Variants in ASB17 observed in about 807,000 individuals in gnomAD.
ASB17 encodes ankyrin repeat and SOCS box protein 17.
ASB17 carries 26 observed loss-of-function variants against 25.7 expected under a neutral mutation model. The observed-to-expected ratio is 1.01, with a 90% CI of 0.74 to 1.40. ASB17 has a LOEUF of 1.40. ASB17 is among the 40% of genes most tolerant of loss of function. ASB17 has a pLI of 0.00. For synonymous variants in ASB17, 128 were observed against 121.4 expected (o/e 1.05, Z -0.36); for missense variants, 326 against 338.5 (o/e 0.96, Z 0.29).
intron 1 of ASB17, among the ~76,000 whole-genome samples, chr1:75,926,269 G>A (rs145816691): frequency 5.3e-5 from 8 of 152,322 alleles, no homozygotes; most frequent in Non-Finnish European, 1.0e-4. Flanking sequence ...GGTGATGAGT[G>A]CTTGGAAAAA....
At position 75,922,226 on chromosome 1, in the gene ASB17, T is replaced by C; in HGVS notation, c.535A>G (p.Ile179Val). The C allele has an allele frequency of 3.1e-6, 5 of 1,613,812 alleles. No individual in the cohort carries two copies. In the South Asian group the frequency reaches 3.3e-5, roughly 11 times the overall value. Residue 179 changes from isoleucine to valine, a missense_variant, in exon 2 of 3, where the codon ATC becomes GTC. Ile to Val is a conservative substitution (Grantham distance 29, BLOSUM62 3). Coordinates refer to ENST00000284142, the MANE Select transcript of ASB17 (RefSeq NM_080868.3). ...YGILEREKNPINIVLTIVLYP... is the reference protein window; with the variant it reads ...YGILEREKNPVNIVLTIVLYP... ...AGTACTATTGTTAAGACAATGTTGATAGGGTTTTTTTCTCTTTCTAAGATT... is the reference window on the plus strand; with the variant it reads ...AGTACTATTGTTAAGACAATGTTGACAGGGTTTTTTTCTCTTTCTAAGATT...
intron 2 of ASB17, 48 bp from the exon 3 acceptor site, chr1:75,919,206 A>G: frequency 1.6e-6 from 2 of 1,215,846 alleles, no homozygotes; most frequent in Non-Finnish European, 2.3e-6. Context: ...TGTAATTTGG[A>G]TTAGTCCAAA....
chr1:75,921,983 T>C (rs1653037849), intron 2 of ASB17, 97 bp downstream of exon 2: 5 of 1,070,966 alleles, frequency 4.7e-6, no homozygotes, highest in Non-Finnish European at 6.6e-6. Flanking sequence ...ACTGGACATA[T>C]TCTATAAATT....
At chr1:75,919,832 T>C (rs1652981517) in intron 2 of ASB17, among the ~76,000 whole-genome samples, 1 of 152,214 alleles carries the variant, frequency 6.6e-6, no homozygotes, top group South Asian at 2.1e-4. Context: ...TTGTGAATAG[T>C]GCTGCAATAA....
chr1:75,922,955 C>G (rs1431592225), intron 1 of ASB17, among the ~76,000 whole-genome samples: 2 of 152,126 alleles, frequency 1.3e-5, no homozygotes, highest in East Asian at 3.8e-4. Flanking sequence ...CATAGCAATT[C>G]TAGTTGAGAA....
At chr1:75,924,581 A>G (rs979418800) in intron 1 of ASB17, among the ~76,000 whole-genome samples, 1 of 152,160 alleles carries the variant, frequency 6.6e-6, no homozygotes, top group East Asian at 1.9e-4. Context: ...ATGTTTGTAT[A>G]TACATATGAA....
At chr1:75,919,307 G>T in intron 2 of ASB17, 149 bp from the exon 3 acceptor site, 1 of 604,904 alleles carries the variant, frequency 1.7e-6, no homozygotes, top group Non-Finnish European at 2.7e-6. Context: ...TTTTACTTGA[G>T]GCAAGTATTT....
intron 1 of ASB17, among the ~76,000 whole-genome samples, chr1:75,930,861 A>C (rs1653305264): frequency 6.6e-6 from 1 of 152,178 alleles, no homozygotes; most frequent in Admixed American, 6.5e-5. Flanking sequence ...TCAGCTTTAG[A>C]AGATTTGCTG....
At chr1:75,929,175 A>G (rs1196859281) in intron 1 of ASB17, among the ~76,000 whole-genome samples, 1 of 152,138 alleles carries the variant, frequency 6.6e-6, no homozygotes, top group Non-Finnish European at 1.5e-5. Context: ...TGGGAGAAAT[A>G]CAGAGGGACC....
Position 75,922,135 on chromosome 1 carries a change from GT to G in ASB17, c.625del (p.Thr209HisfsTer18), listed in dbSNP as rs756221723. The G allele has an allele frequency of 1.2e-6, 2 of 1,613,810 alleles. No homozygotes were observed. Among genetic ancestry groups the G allele is most frequent in the Non-Finnish European group, 1.7e-6 (2 of 1,179,886 alleles). The part of the protein sequence containing the change: ...ELADIHEDAK[T>X]CLVLCSRVLS... ...CACTCTGGAACATAGTACCAAACAT[GT>G]TTTGGCATCTTCATGGATGTCAGCC... On this transcript the variant is annotated frameshift_variant, in exon 2 of 3. Coordinates refer to ENST00000284142, the MANE Select transcript of ASB17 (RefSeq NM_080868.3). LOFTEE classifies it high-confidence loss of function.
chr1:75,930,772 C>T (rs1037728207), intron 1 of ASB17, among the ~76,000 whole-genome samples: 1 of 152,016 alleles, frequency 6.6e-6, no homozygotes, highest in African/African-American at 2.4e-5. Context: ...ATTCTCTCTC[C>T]CTCTGTTTGC....
At position 75,919,027 on chromosome 1, in the gene ASB17, G is replaced by A; in HGVS notation, c.813C>T (p.Asn271=). The A allele has an allele frequency of 6.2e-7, 1 of 1,612,610 alleles. No homozygotes were observed. The highest frequency in any genetic ancestry group is 8.5e-7 in the Non-Finnish European group (1 of 1,178,838). The change falls in exon 3 of 3, where the codon AAC becomes AAT. Residue 271 remains asparagine (N), a synonymous_variant. Coordinates refer to ENST00000284142, the MANE Select transcript of ASB17 (RefSeq NM_080868.3). ...AAAATATTCCATCTGGGAGCATATT[G>A]TTGGTTAATAGTTGATTCCTGATGG... The part of the protein sequence containing the change: ...RLTIRNQLLT[N]NMLPDGIFSL...
At chr1:75,931,158 T>C (rs755282378) in intron 1 of ASB17, among the ~76,000 whole-genome samples, 1 of 152,232 alleles carries the variant, frequency 6.6e-6, no homozygotes, top group Non-Finnish European at 1.5e-5. Flanking sequence ...TACATAGTAA[T>C]GTGATTAATA....
intron 2 of ASB17, 123 bp from the exon 3 acceptor site, chr1:75,919,281 C>T: frequency 1.4e-6 from 1 of 727,906 alleles, no homozygotes; most frequent in South Asian, 2.5e-5. Flanking sequence ...ACCCTTATAA[C>T]TTTTTTCCAA....
chr1:75,929,723 A>G (rs899616104), intron 1 of ASB17, among the ~76,000 whole-genome samples: 2 of 152,176 alleles, frequency 1.3e-5, no homozygotes, highest in Admixed American at 6.5e-5. Flanking sequence ...TTAAGAGTCT[A>G]TTGCAGTTTT....
Position 75,932,037 on chromosome 1 carries a change from A to G in ASB17, c.255T>C (p.Phe85=), listed in dbSNP as rs1303098446. Reference sequence around the variant, plus strand: ...CACATATTTCAGTGAAGTCGAGGTTAAAACTTACTTCAAAACGGTATCCTG... The same window carrying G: ...CACATATTTCAGTGAAGTCGAGGTTGAAACTTACTTCAAAACGGTATCCTG... ...EKSGYRFEVS[F]NLDFTEICVN... The change falls in exon 1 of 3, where the codon TTT becomes TTC. Residue 85 remains phenylalanine (F), a synonymous_variant. Transcript: ENST00000284142. 1.9e-6 allele frequency: 3 copies of G among 1,614,032 alleles called. No individual in the cohort carries two copies. Among genetic ancestry groups the G allele is most frequent in the Middle Eastern group, 1.6e-4 (1 of 6,084 alleles).
intron 2 of ASB17, among the ~76,000 whole-genome samples, chr1:75,920,943 T>C (rs897890340): frequency 8.5e-5 from 13 of 152,112 alleles, no homozygotes; most frequent in Non-Finnish European, 4.4e-5. Flanking sequence ...CCCAGCTAAA[T>C]TTTTGTATTT....
intron 1 of ASB17, among the ~76,000 whole-genome samples, chr1:75,927,872 A>T (rs1018422434): frequency 5.9e-5 from 9 of 151,778 alleles, no homozygotes; most frequent in African/African-American, 1.7e-4. Context: ...CATGTTCCTC[A>T]CTCTGGCCTA....
chr1:75,924,569 A>G (rs987566824), intron 1 of ASB17, among the ~76,000 whole-genome samples: 5 of 152,092 alleles, frequency 3.3e-5, no homozygotes, highest in African/African-American at 1.2e-4. Flanking sequence ...GAAAGGATAT[A>G]TATGTTTGTA....
Sources: allele counts gnomAD v4.1 joint callset (sites outside exome capture counted in the v4.1 genomes callset), GRCh38; gene constraint gnomAD v4.1.1; transcripts MANE v1.5; gene names NCBI Gene and HGNC (gene_info 2026-07-23, HGNC 2026-07-21).